CNTNAP2: variants seen among roughly 807,000 people sequenced by gnomAD.
CNTNAP2 encodes the protein contactin associated protein 2, also known as contactin-associated protein-like 2.
A neutral mutation model predicts 155.2 loss-of-function variants in CNTNAP2; 98 were observed. The observed-to-expected ratio is 0.63, with a 90% confidence interval of 0.54 to 0.75. The LOEUF (loss-of-function observed/expected upper bound fraction) is 0.75, where lower values mean the gene tolerates loss of function less well. CNTNAP2 is among the 30% of genes least tolerant of loss of function. The pLI is 0.00. For synonymous variants in CNTNAP2, 651 were observed against 631.2 expected, an observed-to-expected ratio of 1.03 and a Z score of -0.47; for missense variants, 1,727 against 1,688.1, an observed-to-expected ratio of 1.02 and a Z score of -0.40.
intron 1 of CNTNAP2, among the ~76,000 whole-genome samples, chr7:146,300,299 A>G (rs1800584650): frequency 6.6e-6 from 1 of 152,198 alleles, no homozygotes; most frequent in Non-Finnish European, 1.5e-5. Flanking sequence ...ACTTAGTATA[A>G]AAAGATCTAA....
Position 147,498,591 on chromosome 7 carries a change from T to C in CNTNAP2, c.1777+12550T>C, listed in dbSNP as rs115489319. Among the ~76,000 whole-genome samples the C allele has an allele frequency of 4.8e-3, 724 of 152,332 alleles. 3 individuals are homozygous for C. Among genetic ancestry groups the C allele is most frequent in the African/African-American group, 0.017 (689 of 41,574 alleles). On this transcript the variant is annotated intron_variant, in intron 11 of 23. Coordinates refer to ENST00000361727, the MANE Select transcript of CNTNAP2 (RefSeq NM_014141.6). Reference sequence around the variant, plus strand: ...TAGAGGAGAAATTTATTGAGAAGCATTTGGATTGCTATTAGTAATCAAGAA... The same window carrying C: ...TAGAGGAGAAATTTATTGAGAAGCACTTGGATTGCTATTAGTAATCAAGAA...
At chr7:146,644,648 T>C (rs1352828777) in intron 1 of CNTNAP2, among the ~76,000 whole-genome samples, 1 of 151,862 alleles carries the variant, frequency 6.6e-6, no homozygotes, top group Non-Finnish European at 1.5e-5. Context: ...ATAAAGGAGA[T>C]ATCACCACCG....
chr7:147,650,853 A>C (rs1334599713), intron 13 of CNTNAP2, among the ~76,000 whole-genome samples: 1 of 152,120 alleles, frequency 6.6e-6, no homozygotes, highest in Non-Finnish European at 1.5e-5. Context: ...ATGACAATAA[A>C]ATCATTTTGT....
At chr7:146,188,187 T>C (rs563561423) in intron 1 of CNTNAP2, among the ~76,000 whole-genome samples, 24 of 152,226 alleles carry the variant, frequency 1.6e-4, no homozygotes, top group Admixed American at 7.9e-4. Flanking sequence ...CCACAAAAAA[T>C]TCCATAAGGA....
At chr7:148,165,136 G>A (rs1805627988) in intron 17 of CNTNAP2, among the ~76,000 whole-genome samples, 1 of 152,112 alleles carries the variant, frequency 6.6e-6, no homozygotes, top group African/African-American at 2.4e-5. Flanking sequence ...CTAAAAGCTG[G>A]AAGTCCAAGA....
chr7:147,456,267 A>AG (rs1320790688), intron 10 of CNTNAP2, among the ~76,000 whole-genome samples: 1 of 152,132 alleles, frequency 6.6e-6, no homozygotes, highest in Non-Finnish European at 1.5e-5. Context: ...AAGCAATTAG[A>AG]GGCCTACAAC....
At chr7:146,832,670 C>CAT (rs1554398241) in intron 2 of CNTNAP2, among the ~76,000 whole-genome samples, 79 of 148,080 alleles carry the variant, frequency 5.3e-4, no homozygotes, top group African/African-American at 1.9e-3. Context: ...TAAATATGTA[C>CAT]GTGTGTGTGT....
intron 3 of CNTNAP2, among the ~76,000 whole-genome samples, chr7:147,039,748 A>G (rs926858490): frequency 1.3e-5 from 2 of 152,192 alleles, no homozygotes; most frequent in African/African-American, 4.8e-5. Flanking sequence ...AGGAATCATC[A>G]TACTGCTTTC....
chr7:146,596,133 A>G (rs922221235), intron 1 of CNTNAP2, among the ~76,000 whole-genome samples: 4 of 152,052 alleles, frequency 2.6e-5, no homozygotes, highest in African/African-American at 9.7e-5. Flanking sequence ...TATAACTAAT[A>G]ATCATATAAA....
intron 1 of CNTNAP2, among the ~76,000 whole-genome samples, chr7:146,314,907 C>T (rs1414615550): frequency 2.0e-5 from 3 of 152,244 alleles, no homozygotes; most frequent in African/African-American, 2.4e-5. Context: ...TAAGAGATTG[C>T]GGAGTTTATC....
intron 1 of CNTNAP2, among the ~76,000 whole-genome samples, chr7:146,624,005 G>A (rs1799376749): frequency 1.3e-5 from 2 of 151,934 alleles, no homozygotes; most frequent in Non-Finnish European, 1.5e-5. Context: ...TAACTTAATG[G>A]CAAATATGTT....
At position 147,746,420 on chromosome 7, in the gene CNTNAP2, G is replaced by A. The variant is rs1277895160; in HGVS notation, c.2098+107114G>A. ...GGAACGAATGAATCACACAGACGGA[G>A]CACAGTTGGGCAAGCCAGTCTCACA... On this transcript the variant is annotated intron_variant, in intron 13 of 23. Transcript: ENST00000361727. 2.6e-5 allele frequency among the ~76,000 whole-genome samples: 4 copies of A among 152,144 alleles called. No homozygotes were observed. In the East Asian group the frequency reaches 7.7e-4, roughly 29 times the overall value.
rs540563715 is a variant in CNTNAP2 at position 147,747,431 on chromosome 7, CT to C, written c.2098+108132del. On this transcript the variant is annotated intron_variant, in intron 13 of 23. Transcript: ENST00000361727. ...TTTCTTACCAAATTGTATTTCTATT[CT>C]TTTTTTATGGCTGAGTAATATTCTC... Among the ~76,000 whole-genome samples, 7 of 152,234 alleles carry C rather than the reference CT, an allele frequency of 4.6e-5. No homozygotes were observed. The East Asian group carries it at 5.8e-4, about 13-fold the overall frequency.
chr7:147,755,464 G>C (rs1157182596), intron 13 of CNTNAP2, among the ~76,000 whole-genome samples: 2 of 152,078 alleles, frequency 1.3e-5, no homozygotes, highest in African/African-American at 4.8e-5. Context: ...AGACCAACCT[G>C]CTCAATATGG....
chr7:147,893,961 A>G (rs1484611887), intron 13 of CNTNAP2, among the ~76,000 whole-genome samples: 1 of 152,198 alleles, frequency 6.6e-6, no homozygotes, highest in East Asian at 1.9e-4. Context: ...GGAAGCGTAC[A>G]CATCCATACT....
chr7:147,524,335 A>C (rs1224156433), intron 11 of CNTNAP2, among the ~76,000 whole-genome samples: 3 of 151,910 alleles, frequency 2.0e-5, no homozygotes, highest in Non-Finnish European at 4.4e-5. Context: ...GGTTGCGGTG[A>C]GCCGAGATCA....
chr7:146,566,010 A>G (rs1448355221), intron 1 of CNTNAP2, among the ~76,000 whole-genome samples: 2 of 152,242 alleles, frequency 1.3e-5, no homozygotes, highest in African/African-American at 4.8e-5. Flanking sequence ...ATTCACCGGC[A>G]GATCACACAG....
intron 12 of CNTNAP2, among the ~76,000 whole-genome samples, chr7:147,608,899 G>A (rs1238911222): frequency 6.6e-6 from 1 of 152,136 alleles, no homozygotes; most frequent in Admixed American, 6.5e-5. Context: ...TCTCTGGCAG[G>A]CAGGGGCGGG....
intron 13 of CNTNAP2, among the ~76,000 whole-genome samples, chr7:147,777,173 G>A (rs1797597032): frequency 6.6e-6 from 1 of 152,094 alleles, no homozygotes; most frequent in African/African-American, 2.4e-5. Flanking sequence ...GGAATTTATG[G>A]AGGAGGAGAA....
Sources: gnomAD v4.1 joint callset for allele counts (sites outside exome capture counted in the v4.1 genomes callset) on GRCh38, gnomAD v4.1.1 for gene constraint, MANE v1.5 for transcripts, NCBI Gene and HGNC (gene_info 2026-07-23, HGNC 2026-07-21) for gene names.